The following UMAD1 variants were observed in gnomAD, a reference collection of about 807,000 sequenced individuals.
UMAD1 encodes UBAP1-MVB12-associated (UMA) domain containing 1.
A neutral mutation model predicts 6.1 loss-of-function variants in UMAD1; 8 were observed. That is an observed-to-expected ratio of 1.30 (90% CI 0.76 to 2.35). The LOEUF is 2.35. Ranked by LOEUF, UMAD1 falls within the 30% of genes most tolerant of loss-of-function variation. UMAD1 has a pLI of 0.00. For missense variants in UMAD1, 130 were observed against 78.4 expected (o/e 1.66, Z -2.49); for synonymous variants, 56 against 31.4 (o/e 1.78, Z -2.61).
intron 2 of UMAD1, among the ~76,000 whole-genome samples, chr7:7,800,747 G>C (rs1335008758): frequency 1.3e-5 from 2 of 152,132 alleles, no homozygotes; most frequent in Non-Finnish European, 2.9e-5. Context: ...GCTTAGACAA[G>C]ATTTTCATAC....
chr7:7,844,822 A>G (rs531539433), intron 3 of UMAD1, among the ~76,000 whole-genome samples: 6 of 152,174 alleles, frequency 3.9e-5, no homozygotes, highest in Non-Finnish European at 8.8e-5. Context: ...ATAAAATATT[A>G]GGGACCCCTT....
intron 3 of UMAD1, among the ~76,000 whole-genome samples, chr7:7,871,197 C>G (rs958341513): frequency 6.6e-6 from 1 of 152,182 alleles, no homozygotes; most frequent in Non-Finnish European, 1.5e-5. Context: ...ATGATTTTCT[C>G]AGTCCTTTCT....
chr7:7,779,118 C>T (rs939619780), intron 2 of UMAD1, among the ~76,000 whole-genome samples: 3 of 152,098 alleles, frequency 2.0e-5, no homozygotes, highest in Non-Finnish European at 4.4e-5. Flanking sequence ...CTGTACTTCA[C>T]CTAGGTTTCA....
chr7:7,795,185 G>A (rs1342256204), intron 2 of UMAD1, among the ~76,000 whole-genome samples: 2 of 152,184 alleles, frequency 1.3e-5, no homozygotes, highest in African/African-American at 4.8e-5. Flanking sequence ...ACCGTCTCAG[G>A]CACACTTTCT....
At chr7:7,706,728 C>G (rs1019959506) in intron 2 of UMAD1, among the ~76,000 whole-genome samples, 1 of 152,088 alleles carries the variant, frequency 6.6e-6, no homozygotes, top group African/African-American at 2.4e-5. Context: ...GACTAACTTG[C>G]GTAAGAGTGC....
chr7:7,845,360 A>G (rs1783764280), intron 3 of UMAD1, among the ~76,000 whole-genome samples: 1 of 152,074 alleles, frequency 6.6e-6, no homozygotes, highest in South Asian at 2.1e-4. Context: ...TATAGGGATC[A>G]AGATCTTCTC....
chr7:7,820,294 C>T (rs2115295171), intron 3 of UMAD1, among the ~76,000 whole-genome samples: 1 of 152,248 alleles, frequency 6.6e-6, no homozygotes, highest in East Asian at 1.9e-4. Context: ...ATTACCTAAT[C>T]TCATTAGAAG....
rs149433916 is a variant in UMAD1 at position 7,743,864 on chromosome 7, A to G, written c.83-57806A>G. Among the ~76,000 whole-genome samples the G allele has an allele frequency of 1.0e-3, 155 of 152,156 alleles. 3 individuals are homozygous for G. In the East Asian group the frequency reaches 0.012, roughly 11 times the overall value. ...TGTTGTGAAACCATCACCACTGTCT[A>G]TTTCTAAAGCTTTTCCATCACCCCA... is the stretch of plus-strand genomic sequence containing the variant. On this transcript the variant is annotated intron_variant, in intron 2 of 3. Transcript: ENST00000682710.
intron 2 of UMAD1, among the ~76,000 whole-genome samples, chr7:7,686,560 G>A (rs1276596235): frequency 1.3e-5 from 2 of 152,146 alleles, no homozygotes; most frequent in African/African-American, 4.8e-5. Context: ...AGGCATGCAC[G>A]TATACTCATA....
intron 2 of UMAD1, chr7:7,676,017 G>C: frequency 2.5e-6 from 1 of 396,730 alleles, no homozygotes; most frequent in Admixed American, 4.4e-5. Context: ...AGTTTTGATG[G>C]TATCAGTCAG....
intron 3 of UMAD1, among the ~76,000 whole-genome samples, chr7:7,874,063 C>T (rs1784374862): frequency 1.3e-5 from 2 of 152,170 alleles, no homozygotes; most frequent in African/African-American, 4.8e-5. Flanking sequence ...CATTCCTGCT[C>T]TCTGGTACTC....
intron 2 of UMAD1, among the ~76,000 whole-genome samples, chr7:7,752,025 T>C (rs1781687353): frequency 1.3e-5 from 2 of 152,130 alleles, no homozygotes; most frequent in Admixed American, 6.5e-5. Context: ...AACATTTCAA[T>C]AAGACAAGGG....
intron 2 of UMAD1, among the ~76,000 whole-genome samples, chr7:7,787,929 A>G (rs1235779913): frequency 6.6e-6 from 1 of 152,186 alleles, no homozygotes; most frequent in African/African-American, 2.4e-5. Context: ...TATCATCTTA[A>G]ATTTCCTTCA....
chr7:7,731,560 G>T (rs1781256469), intron 2 of UMAD1, among the ~76,000 whole-genome samples: 1 of 150,606 alleles, frequency 6.6e-6, no homozygotes, highest in Non-Finnish European at 1.5e-5. Flanking sequence ...TTGCATTCTG[G>T]AGAATTATGC....
chr7:7,738,922 T>C (rs991590324), intron 2 of UMAD1: 1 of 152,126 alleles, frequency 6.6e-6, no homozygotes, highest in Non-Finnish European at 1.5e-5. Context: ...AGCTGAGACA[T>C]AGGTAGGAAG....
rs529894179 is a variant in UMAD1 at position 7,779,207 on chromosome 7, T to A, written c.83-22463T>A. Among the ~76,000 whole-genome samples, 3 of 152,302 alleles carry A rather than the reference T, an allele frequency of 2.0e-5. No individual in the cohort carries two copies. In the East Asian group the frequency reaches 5.8e-4, roughly 29 times the overall value. On this transcript the variant is annotated intron_variant, in intron 2 of 3. Transcript: ENST00000682710. Reference sequence around the variant, plus strand: ...TCCTCTGGCTCAAATTTTTAAAGAATTAACCTAATCCAGATAATAGGATGA... The same window carrying A: ...TCCTCTGGCTCAAATTTTTAAAGAAATAACCTAATCCAGATAATAGGATGA...
At chr7:7,777,163 C>G (rs886440430) in intron 2 of UMAD1, among the ~76,000 whole-genome samples, 2 of 152,176 alleles carry the variant, frequency 1.3e-5, no homozygotes, top group South Asian at 4.2e-4. Flanking sequence ...ACTTTATTTA[C>G]TGATCTCCTG....
intron 2 of UMAD1, among the ~76,000 whole-genome samples, chr7:7,734,564 A>T (rs549847870): frequency 8.0e-4 from 122 of 152,288 alleles, no homozygotes; most frequent in African/African-American, 2.7e-3. Context: ...ATTCTTCATT[A>T]TATTCAAAAG....
chr7:7,789,045 T>G (rs1782512348), intron 2 of UMAD1, among the ~76,000 whole-genome samples: 1 of 152,258 alleles, frequency 6.6e-6, no homozygotes, highest in Non-Finnish European at 1.5e-5. Flanking sequence ...TGATATGCAG[T>G]ATCACTAACA....
Sources: gnomAD v4.1 joint callset for allele counts (sites outside exome capture counted in the v4.1 genomes callset) on GRCh38, gnomAD v4.1.1 for gene constraint, MANE v1.5 for transcripts, NCBI Gene and HGNC (gene_info 2026-07-23, HGNC 2026-07-21) for gene names.